GABRG3: variants seen among roughly 807,000 people sequenced by gnomAD.
GABRG3 encodes gamma-aminobutyric acid type A receptor subunit gamma3, also known as gamma-aminobutyric acid receptor subunit gamma-3.
Under a neutral mutation model 48.8 loss-of-function variants are expected in GABRG3, and 25 were observed. That is an observed-to-expected ratio of 0.51 (90% CI 0.37 to 0.72). GABRG3 has a LOEUF of 0.72. Ranked by LOEUF, GABRG3 falls within the 30% of genes least tolerant of loss-of-function variation. GABRG3 has a pLI of 0.00. For missense variants in GABRG3, 394 were observed against 577.9 expected, an observed-to-expected ratio of 0.68 and a Z score of 3.26; for synonymous variants, 227 against 217.6, an observed-to-expected ratio of 1.04 and a Z score of -0.38.
chr15:27,293,757 C>G (rs1208715545), intron 3 of GABRG3, among the ~76,000 whole-genome samples: 2 of 151,782 alleles, frequency 1.3e-5, no homozygotes, highest in African/African-American at 4.8e-5. Flanking sequence ...ATTCAACTTG[C>G]AAATGAAATG....
intron 3 of GABRG3, among the ~76,000 whole-genome samples, chr15:27,217,234 G>A (rs183207513): frequency 7.0e-4 from 107 of 152,176 alleles, no homozygotes; most frequent in Admixed American, 6.6e-3. Flanking sequence ...TGTTTATTGC[G>A]GCACTATTCA....
chr15:27,444,891 T>A (rs1409558617), intron 5 of GABRG3, among the ~76,000 whole-genome samples: 1 of 152,144 alleles, frequency 6.6e-6, no homozygotes, highest in African/African-American at 2.4e-5. Flanking sequence ...GTTCAAGATT[T>A]TTTTTTTTGG....
intron 2 of GABRG3, among the ~76,000 whole-genome samples, chr15:26,981,848 C>T (rs977898918): frequency 2.0e-5 from 3 of 152,192 alleles, no homozygotes; most frequent in Admixed American, 6.5e-5. Flanking sequence ...GCCCAGGACT[C>T]CAGCATGTCT....
At chr15:27,309,247 AAC>A (rs1370212117) in intron 3 of GABRG3, among the ~76,000 whole-genome samples, 5 of 151,570 alleles carry the variant, frequency 3.3e-5, no homozygotes, top group Non-Finnish European at 5.9e-5. Flanking sequence ...TTTATATATA[AAC>A]ACACATATAC....
intron 5 of GABRG3, among the ~76,000 whole-genome samples, chr15:27,409,704 C>T (rs1887740987): frequency 6.6e-6 from 1 of 152,138 alleles, no homozygotes; most frequent in South Asian, 2.1e-4. Flanking sequence ...AACAGGAACA[C>T]TGTGCATCTC....
chr15:27,356,148 G>A (rs572945636), intron 5 of GABRG3, among the ~76,000 whole-genome samples: 1 of 152,096 alleles, frequency 6.6e-6, no homozygotes, highest in African/African-American at 2.4e-5. Flanking sequence ...TTCAGAAAGT[G>A]TATTCATCAT....
At chr15:27,009,725 C>T (rs926021702) in intron 2 of GABRG3, among the ~76,000 whole-genome samples, 8 of 152,262 alleles carry the variant, frequency 5.3e-5, no homozygotes, top group African/African-American at 1.2e-4. Flanking sequence ...AAAAGGGCAG[C>T]CAGGAAGGTC....
chr15:27,521,645 A>G (rs1435733103), intron 7 of GABRG3, among the ~76,000 whole-genome samples: 1 of 152,116 alleles, frequency 6.6e-6, no homozygotes, highest in Non-Finnish European at 1.5e-5. Flanking sequence ...TAATTAATGA[A>G]TAGATGGGTT....
chr15:27,308,601 T>C (rs1446826147), intron 3 of GABRG3, among the ~76,000 whole-genome samples: 1 of 141,180 alleles, frequency 7.1e-6, no homozygotes, highest in Non-Finnish European at 1.6e-5. Context: ...TATATAAACA[T>C]AATGTAAACA....
intron 5 of GABRG3, chr15:27,422,437 T>C (rs796352774): frequency 6.7e-4 from 102 of 152,262 alleles, no homozygotes; most frequent in African/African-American, 2.4e-3. Context: ...TTCTAAGGTA[T>C]CGATGGGAGT....
chr15:27,264,509 C>G (rs1890859624), intron 3 of GABRG3, among the ~76,000 whole-genome samples: 1 of 151,734 alleles, frequency 6.6e-6, no homozygotes, highest in African/African-American at 2.4e-5. Flanking sequence ...TCTCTTAAAA[C>G]AAAGTATCCT....
intron 6 of GABRG3, among the ~76,000 whole-genome samples, chr15:27,500,389 A>G (rs1001540568): frequency 4.6e-5 from 7 of 151,132 alleles, no homozygotes; most frequent in African/African-American, 7.3e-5. Context: ...CTCCTGCTCC[A>G]CGCTGTCAGC....
intron 5 of GABRG3, among the ~76,000 whole-genome samples, chr15:27,332,029 G>A (rs1379035102): frequency 6.6e-6 from 1 of 152,052 alleles, no homozygotes; most frequent in Non-Finnish European, 1.5e-5. Flanking sequence ...CTTTACATGT[G>A]TAGCATTAAT....
At chr15:27,107,548 C>G (rs1303706013) in intron 3 of GABRG3, among the ~76,000 whole-genome samples, 1 of 151,860 alleles carries the variant, frequency 6.6e-6, no homozygotes, top group East Asian at 1.9e-4. Context: ...GTAATGCTGG[C>G]CTCATAAAAT....
rs1277574004 is a variant in GABRG3, at chr15:27,420,808, G to A, written c.575-59842G>A. 2.0e-5 allele frequency: 3 copies of A among 152,110 alleles called. No individual in the cohort carries two copies. In the East Asian group the frequency reaches 5.8e-4, roughly 29 times the overall value. The allele number at this position is 152,110 out of a possible 1,614,324, so 9.4% of individuals were successfully genotyped here. On this transcript the variant is annotated intron_variant, in intron 5 of 9. Coordinates refer to ENST00000615808, the MANE Select transcript of GABRG3 (RefSeq NM_033223.5). ...ACATTATCATTCACAAAACTATGTG[G>A]CAAAGAAAAACTAAAAAGTTTAGTT...
At chr15:27,129,386 CT>C (rs1897876463) in intron 3 of GABRG3, among the ~76,000 whole-genome samples, 1 of 152,078 alleles carries the variant, frequency 6.6e-6, no homozygotes, top group African/African-American at 2.4e-5. Context: ...CATTTCCTTC[CT>C]TTTTAAAGAT....
chr15:27,529,023 C>T (rs1381664712), intron 9 of GABRG3, among the ~76,000 whole-genome samples: 1 of 152,018 alleles, frequency 6.6e-6, no homozygotes, highest in African/African-American at 2.4e-5. Context: ...TTTGTAGTTT[C>T]TGCTTCTTGT....
chr15:27,372,063 T>C (rs1387605650), intron 5 of GABRG3, among the ~76,000 whole-genome samples: 1 of 152,112 alleles, frequency 6.6e-6, no homozygotes, highest in Non-Finnish European at 1.5e-5. Flanking sequence ...ACATAATTAG[T>C]AATATTTTAT....
chr15:27,349,598 T>C (rs918939368), intron 5 of GABRG3, among the ~76,000 whole-genome samples: 4 of 152,214 alleles, frequency 2.6e-5, no homozygotes, highest in Non-Finnish European at 5.9e-5. Flanking sequence ...TCTTTGAATC[T>C]TCCAGCAAGA....
Sources: gnomAD v4.1 joint callset for allele counts (sites outside exome capture counted in the v4.1 genomes callset) on GRCh38, gnomAD v4.1.1 for gene constraint, MANE v1.5 for transcripts, NCBI Gene and HGNC (gene_info 2026-07-23, HGNC 2026-07-21) for gene names.